Variants in ITPR2 observed in about 807,000 individuals in gnomAD.
The protein encoded by ITPR2 is inositol 1,4,5-trisphosphate-gated calcium channel ITPR2.
A neutral mutation model predicts 317.1 loss-of-function variants in ITPR2; 207 were observed. That is an observed-to-expected ratio of 0.65 (90% CI 0.58 to 0.73). The LOEUF (loss-of-function observed/expected upper bound fraction) is 0.73. Among genes scored for constraint, ITPR2 ranks in the 30% least tolerant of loss-of-function variants. The pLI, the probability that ITPR2 is intolerant of heterozygous loss-of-function variation, is 0.00. For synonymous variants in ITPR2, 1,156 were observed against 1,149.1 expected (o/e 1.01, Z -0.12); for missense variants, 2,613 against 3,284.0 (o/e 0.80, Z 4.99).
intron 34 of ITPR2, among the ~76,000 whole-genome samples, chr12:26,564,341 T>C (rs1944894203): frequency 6.6e-6 from 1 of 152,160 alleles, no homozygotes; most frequent in Non-Finnish European, 1.5e-5. Context: ...ATAAGACAAC[T>C]TCCTTGAGCT....
chr12:26,772,110 C>T (rs888468070), intron 2 of ITPR2, among the ~76,000 whole-genome samples: 1 of 151,926 alleles, frequency 6.6e-6, no homozygotes, highest in African/African-American at 2.4e-5. Flanking sequence ...CAGTATTATA[C>T]TCGAAAGAAT....
intron 45 of ITPR2, 70 bp downstream of exon 45, chr12:26,475,226 T>A: frequency 6.4e-7 from 1 of 1,559,478 alleles, no homozygotes; most frequent in Non-Finnish European, 8.8e-7. Flanking sequence ...CTTGAAAATA[T>A]GACAAGCCAT....
intron 41 of ITPR2, among the ~76,000 whole-genome samples, chr12:26,484,485 C>G (rs1254548286): frequency 1.3e-5 from 2 of 152,054 alleles, no homozygotes; most frequent in Non-Finnish European, 2.9e-5. Flanking sequence ...ATAAGTACAC[C>G]AACAGGTTCT....
At chr12:26,409,365 C>T (rs896984737) in intron 52 of ITPR2, among the ~76,000 whole-genome samples, 12 of 152,152 alleles carry the variant, frequency 7.9e-5, no homozygotes, top group Admixed American at 2.6e-4. Context: ...GCAACATGGG[C>T]GGAATGATGT....
At chr12:26,712,295 G>A (rs1444456766) in intron 8 of ITPR2, among the ~76,000 whole-genome samples, 1 of 152,066 alleles carries the variant, frequency 6.6e-6, no homozygotes, top group Non-Finnish European at 1.5e-5. Context: ...TGCTAGTACT[G>A]ACCACCCTTT....
At chr12:26,490,836 A>G (rs76913638) in intron 39 of ITPR2, among the ~76,000 whole-genome samples, 5,984 of 152,286 alleles carry the variant, frequency 0.039, 293 homozygotes, top group African/African-American at 0.11. Context: ...ACAAGCAAAC[A>G]AAGTGGTAGA....
At chr12:26,496,353 A>T (rs540966916) in intron 37 of ITPR2, among the ~76,000 whole-genome samples, 17 of 152,276 alleles carry the variant, frequency 1.1e-4, no homozygotes, top group African/African-American at 3.1e-4. Context: ...TGTAGCTCTC[A>T]TTGCTCATTC....
rs76722245 is a variant in ITPR2, at chr12:26,491,991, G to A, written c.5370+2162C>T. Among the ~76,000 whole-genome samples, 814 of 152,308 alleles carry A rather than the reference G, an allele frequency of 5.3e-3. 9 individuals are homozygous for A. The highest frequency in any genetic ancestry group is 0.019 in the African/African-American group (778 of 41,558). On this transcript the variant is annotated intron_variant, in intron 39 of 56. Coordinates refer to ENST00000381340, the MANE Select transcript of ITPR2 (RefSeq NM_002223.4). The stretch of plus-strand genomic sequence containing the variant: ...TCCAAACACAGTAAACGTTAAAGGT[G>A]TGGAAATGAAGGAGGTCAGGGTGGG...
chr12:26,788,103 G>A (rs1950288177), intron 2 of ITPR2, among the ~76,000 whole-genome samples: 1 of 151,208 alleles, frequency 6.6e-6, no homozygotes. Flanking sequence ...TGCATTTTTA[G>A]TAGAGACAGG....
At chr12:26,700,776 G>T (rs1948430896) in intron 9 of ITPR2, among the ~76,000 whole-genome samples, 1 of 152,172 alleles carries the variant, frequency 6.6e-6, no homozygotes, top group South Asian at 2.1e-4. Context: ...CCAAGGAAGA[G>T]GTGGGTGGAC....
intron 26 of ITPR2, among the ~76,000 whole-genome samples, chr12:26,606,670 G>A (rs1241221628): frequency 2.0e-5 from 3 of 151,852 alleles, no homozygotes; most frequent in Non-Finnish European, 4.4e-5. Flanking sequence ...GATAACTCAT[G>A]CCTATAACCC....
intron 5 of ITPR2, among the ~76,000 whole-genome samples, chr12:26,717,903 T>C (rs1215675545): frequency 6.6e-6 from 1 of 152,142 alleles, no homozygotes; most frequent in Non-Finnish European, 1.5e-5. Flanking sequence ...ATCCCCATTC[T>C]CCCTAGGAAA....
At chr12:26,539,396 T>A (rs947262017) in intron 37 of ITPR2, among the ~76,000 whole-genome samples, 1 of 152,178 alleles carries the variant, frequency 6.6e-6, no homozygotes, top group Non-Finnish European at 1.5e-5. Context: ...GCTGCCATGT[T>A]CTCCTGGTTT....
At chr12:26,551,723 T>C (rs1944528747) in intron 36 of ITPR2, among the ~76,000 whole-genome samples, 2 of 152,092 alleles carry the variant, frequency 1.3e-5, no homozygotes, top group Admixed American at 1.3e-4. Flanking sequence ...CAAGGAAGGC[T>C]CGGGAGAGAA....
intron 45 of ITPR2, among the ~76,000 whole-genome samples, chr12:26,458,960 T>A (rs570641912): frequency 1.3e-5 from 2 of 152,354 alleles, no homozygotes; most frequent in East Asian, 3.9e-4. Flanking sequence ...CCTTCCCCGA[T>A]GAGAACTACA....
rs1476714892 is a variant in ITPR2, at chr12:26,589,795, AAATAAATAAAT to A, written c.4380+5659_4380+5669del. Among the ~76,000 whole-genome samples, 101 of 49,478 alleles carry A rather than the reference AAATAAATAAAT, an allele frequency of 2.0e-3. 9 individuals are homozygous for A. Among genetic ancestry groups the A allele is most frequent in the African/African-American group, 4.1e-3 (75 of 18,106 alleles). 32.5% of individuals were successfully genotyped at this position (49,478 alleles called of 152,430 possible). A position where few individuals can be genotyped will look rare whatever the true frequency, so the allele number is the denominator to read the frequency against. On this transcript the variant is annotated intron_variant, in intron 32 of 56. Transcript: ENST00000381340. ...GAACGAAACTCTGTTTCAAAAAAAA[AAATAAATAAAT>A]AAAAAATAAATAAATAAATAAATAA... is the stretch of plus-strand genomic sequence containing the variant.
At chr12:26,495,472 A>G in intron 37 of ITPR2, 1 of 477,270 alleles carries the variant, frequency 2.1e-6, no homozygotes, top group Admixed American at 3.7e-5. Flanking sequence ...AGAGGGTGGG[A>G]GAAGCTTTTT....
chr12:26,752,901 T>C (rs1204653546), intron 2 of ITPR2, among the ~76,000 whole-genome samples: 1 of 152,060 alleles, frequency 6.6e-6, no homozygotes, highest in Admixed American at 6.6e-5. Context: ...CGGAAGCAAC[T>C]ATAGTGCAGA....
chr12:26,679,408 T>C (rs1269582656), intron 13 of ITPR2, among the ~76,000 whole-genome samples: 1 of 152,164 alleles, frequency 6.6e-6, no homozygotes, highest in South Asian at 2.1e-4. Context: ...AACATATAGC[T>C]AAGGACTACT....
Sources: allele counts gnomAD v4.1 joint callset (sites outside exome capture counted in the v4.1 genomes callset), GRCh38; gene constraint gnomAD v4.1.1; transcripts MANE v1.5; gene names NCBI Gene and HGNC (gene_info 2026-07-23, HGNC 2026-07-21).